Variants in NAV1 observed in about 807,000 individuals in gnomAD.
NAV1 encodes neuron navigator 1, also known as pore membrane and/or filament interacting like protein 3.
NAV1 carries 18 observed loss-of-function variants against 175.2 expected under a neutral mutation model. That is an observed-to-expected ratio of 0.10 (90% CI 0.07 to 0.15). The LOEUF (loss-of-function observed/expected upper bound fraction) is 0.15, where lower values mean the gene tolerates loss of function less well. Among genes scored for constraint, NAV1 ranks in the 10% least tolerant of loss-of-function variants. NAV1 has a pLI of 1.00. For synonymous variants in NAV1, 897 were observed against 978.7 expected (o/e 0.92, Z 1.56); for missense variants, 1,731 against 2,436.6 (o/e 0.71, Z 6.10).
At chr1:201,717,524 C>G (rs1024879571) in intron 2 of NAV1, among the ~76,000 whole-genome samples, 4 of 152,214 alleles carry the variant, frequency 2.6e-5, no homozygotes, top group African/African-American at 7.2e-5. Flanking sequence ...CTTCCCTAGT[C>G]CCCCAGGTTC....
rs1368718723 is a variant in NAV1 at position 201,810,914 on chromosome 1, C to A, written c.4797+156C>A. Among the ~76,000 whole-genome samples, 1 of 152,088 alleles carries A rather than the reference C, an allele frequency of 6.6e-6. No homozygotes were observed. Among genetic ancestry groups the A allele is most frequent in the East Asian group, 1.9e-4 (1 of 5,192 alleles). Reference sequence around the variant, plus strand: ...TTCATTTCCTTCCCTCTCTATCTATCCCCTTTTCCAGTCTTCTCCTTTCCC... The same window carrying A: ...TTCATTTCCTTCCCTCTCTATCTATACCCTTTTCCAGTCTTCTCCTTTCCC... On this transcript the variant is annotated intron_variant, in intron 24 of 29. Transcript: ENST00000367296. The surrounding 1 kb of genome is among the most constrained non-coding windows in gnomAD (Gnocchi z 6.0).
chr1:201,545,705 G>C (rs2102446267), intron 1 of NAV1, among the ~76,000 whole-genome samples: 1 of 152,378 alleles, frequency 6.6e-6, no homozygotes, highest in South Asian at 2.1e-4. Context: ...GCCATAGGCA[G>C]ATCACCTATT....
At chr1:201,619,006 C>A (rs952454417), upstream of NAV1, among the ~76,000 whole-genome samples, 15 of 152,118 alleles carry the variant, frequency 9.9e-5, no homozygotes, top group Admixed American at 9.2e-4. Flanking sequence ...AGGCTCCCAC[C>A]TGGGGGCAAT....
At chr1:201,726,665 A>AG (rs1490071122) in intron 3 of NAV1, among the ~76,000 whole-genome samples, 1 of 151,764 alleles carries the variant, frequency 6.6e-6, no homozygotes, top group Non-Finnish European at 1.5e-5. Flanking sequence ...AAAAAAAAAA[A>AG]ATAGAAATCT....
intron 15 of NAV1, among the ~76,000 whole-genome samples, chr1:201,800,793 T>A (rs1320077125): frequency 6.6e-6 from 1 of 151,850 alleles, no homozygotes; most frequent in Admixed American, 6.6e-5. Flanking sequence ...AATAAAGATT[T>A]TTTTTAACTT....
chr1:201,653,501 G>A (rs1359151378), intron 1 of NAV1, among the ~76,000 whole-genome samples: 1 of 152,058 alleles, frequency 6.6e-6, no homozygotes, highest in African/African-American at 2.4e-5. Flanking sequence ...GAATTTTTTG[G>A]GGGGGAGGGG....
At chr1:201,630,082 C>T (rs763520556) in intron 2 of NAV1, among the ~76,000 whole-genome samples, 30 of 152,218 alleles carry the variant, frequency 2.0e-4, no homozygotes, top group Non-Finnish European at 2.1e-4. Flanking sequence ...GATGCATCTT[C>T]AGGTGCTCAG....
At chr1:201,737,175 A>G (rs572798209) in intron 3 of NAV1, 3 of 152,272 alleles carry the variant, frequency 2.0e-5, no homozygotes, top group South Asian at 2.1e-4. Context: ...CCAATTACCC[A>G]AAGTGCCCTG....
intron 1 of NAV1, among the ~76,000 whole-genome samples, chr1:201,562,548 C>T (rs1184882282): frequency 6.6e-6 from 1 of 152,154 alleles, no homozygotes; most frequent in African/African-American, 2.4e-5. Context: ...GGGCCAGGCC[C>T]AGGTGGGCAG....
intron 1 of NAV1, among the ~76,000 whole-genome samples, chr1:201,568,739 G>A (rs1666440404): frequency 1.3e-5 from 2 of 152,150 alleles, no homozygotes; most frequent in African/African-American, 2.4e-5. Context: ...TTTGCACAGC[G>A]CCTGTCCCAC....
intron 3 of NAV1, among the ~76,000 whole-genome samples, chr1:201,756,794 CTCTTTCTTTCTTTCCTTCTTTCTT>C (rs1342562215): frequency 0.048 from 6,962 of 143,606 alleles, 440 homozygotes; most frequent in African/African-American, 0.096. Context: ...ATGAGCAATT[CTCTTTCTTTCTTTCCTTCTTTCTT>C]TCTTTCTTTC....
intron 1 of NAV1, among the ~76,000 whole-genome samples, chr1:201,709,999 T>A (rs1671830433): frequency 6.6e-6 from 1 of 151,990 alleles, no homozygotes; most frequent in African/African-American, 2.4e-5. Context: ...TGATGTGGAA[T>A]TGAGGAAGGG....
At position 201,809,265 on chromosome 1, in the gene NAV1, A is replaced by C. The variant is rs1678533452; in HGVS notation, c.4305+4A>C. On this transcript the variant is annotated splice_donor_region_variant and intron_variant, in intron 21 of 29. Transcript: ENST00000367296. The stretch of plus-strand genomic sequence containing the variant: ...CCCGCAGCACATCATCAAAGGGGTA[A>C]GGAACTTCAGGGAGAGCCACAGTGG... 6.2e-7 allele frequency: 1 copy of C among 1,613,728 alleles called. No homozygotes were observed. The highest frequency in any genetic ancestry group is 8.5e-7 in the Non-Finnish European group (1 of 1,179,668).
At position 201,555,970 on chromosome 1, in the gene NAV1, T is replaced by C. The variant is rs141226521; in HGVS notation, c.-144+16628T>C. Among the ~76,000 whole-genome samples, 12 of 152,044 alleles carry C rather than the reference T, an allele frequency of 7.9e-5. No individual in the cohort carries two copies. The East Asian group carries it at 2.3e-3, about 29-fold the overall frequency. ...GTCTGTGGAAAAGGCCCAAGAGGTA[T>C]TTGAGTTGGGAGACTTAGGATTTCA... On this transcript the variant is annotated intron_variant, in intron 1 of 33. Coordinates refer to the NAV1 transcript ENST00000685211.
intron 1 of NAV1, among the ~76,000 whole-genome samples, chr1:201,686,747 G>C (rs1670699680): frequency 6.6e-6 from 1 of 152,086 alleles, no homozygotes; most frequent in Non-Finnish European, 1.5e-5. Context: ...CCTTAAATTG[G>C]CTTCCGGGCA....
Position 201,539,512 on chromosome 1 carries a change from A to G in NAV1, c.-144+170A>G, listed in dbSNP as rs1665439182. ...CTGGGCTCGGGAGAGGCGCTGGAAT[A>G]AATAACAACCAAGATGCTCGCGGCT... On this transcript the variant is annotated intron_variant, in intron 1 of 33. Transcript: ENST00000685211. This position sits in a 1 kb window ranked among gnomAD's most constrained non-coding sequence, Gnocchi z 5.6. Among the ~76,000 whole-genome samples the G allele has an allele frequency of 1.3e-5, 2 of 152,006 alleles. No homozygotes were observed. The highest frequency in any genetic ancestry group is 1.5e-5 in the Non-Finnish European group (1 of 67,972).
chr1:201,762,958 G>A (rs2102640017), intron 3 of NAV1, among the ~76,000 whole-genome samples: 1 of 152,142 alleles, frequency 6.6e-6, no homozygotes, highest in East Asian at 1.9e-4. Flanking sequence ...TCCTTAAAAT[G>A]GGACATCTAT....
intron 1 of NAV1, among the ~76,000 whole-genome samples, chr1:201,549,087 CTTTCT>C (rs1665755065): frequency 1.9e-5 from 2 of 106,226 alleles, no homozygotes; most frequent in Admixed American, 9.5e-5. Context: ...CTCTTTCTTT[CTTTCT>C]TTCTTTCTTT....
intron 21 of NAV1, 60 bp downstream of exon 25, chr1:201,809,321 G>A (rs1558190485): frequency 6.2e-6 from 10 of 1,600,950 alleles, no homozygotes; most frequent in Non-Finnish European, 8.6e-6. Context: ...ATTTATCCAA[G>A]AAAATCTGGA....
Sources: allele counts gnomAD v4.1 joint callset (sites outside exome capture counted in the v4.1 genomes callset), GRCh38; gene constraint gnomAD v4.1.1; non-coding constraint Gnocchi (gnomAD v3.1); transcripts MANE v1.5; gene names NCBI Gene and HGNC (gene_info 2026-07-23, HGNC 2026-07-21).